Variants in TENM2 observed in about 807,000 individuals in gnomAD.
The protein encoded by TENM2 is teneurin-2.
A neutral mutation model predicts 245.2 loss-of-function variants in TENM2; 52 were observed. The ratio of observed to expected loss-of-function variants is 0.21; its 90% CI spans 0.17 to 0.27. TENM2 has a LOEUF of 0.27. Among genes scored for constraint, TENM2 ranks in the 10% least tolerant of loss-of-function variants. The pLI is 1.00. For synonymous variants in TENM2, 1,363 were observed against 1,438.9 expected, an observed-to-expected ratio of 0.95 and a Z score of 1.19; for missense variants, 3,046 against 3,666.8, an observed-to-expected ratio of 0.83 and a Z score of 4.37.
intron 2 of TENM2, among the ~76,000 whole-genome samples, chr5:167,609,516 A>T (rs1374961517): frequency 2.5e-5 from 3 of 120,156 alleles, no homozygotes; most frequent in Non-Finnish European, 3.7e-5. Context: ...AAAAAAACAA[A>T]ACCTTACCTA....
intron 2 of TENM2, among the ~76,000 whole-genome samples, chr5:167,620,263 G>A (rs552845703): frequency 1.3e-5 from 2 of 152,132 alleles, no homozygotes; most frequent in South Asian, 2.1e-4. Context: ...GCACAGCTGC[G>A]GGGAGCACTT....
chr5:167,521,148 A>G (rs1211559180), intron 2 of TENM2, among the ~76,000 whole-genome samples: 2 of 151,618 alleles, frequency 1.3e-5, no homozygotes, highest in Non-Finnish European at 2.9e-5. Context: ...GCCATGATAC[A>G]TAGGTCTCAG....
At chr5:167,698,181 T>C (rs1476264824) in intron 2 of TENM2, among the ~76,000 whole-genome samples, 1 of 152,214 alleles carries the variant, frequency 6.6e-6, no homozygotes. Context: ...TTTTCCTTAG[T>C]TTCTCCTTTA....
At position 168,228,865 on chromosome 5, in the gene TENM2, A is replaced by AT. The variant is rs1461778258; in HGVS notation, c.5520+736dup. Among the ~76,000 whole-genome samples, 3 of 147,930 alleles carry AT rather than the reference A, an allele frequency of 2.0e-5. No homozygotes were observed. In the East Asian group the frequency reaches 5.8e-4, roughly 29 times the overall value. ...ATATAACATTAATTATATTATTATT[A>AT]TAATTATTATATAATGTAATTTTAT... is the stretch of plus-strand genomic sequence containing the variant. On this transcript the variant is annotated intron_variant, in intron 25 of 28. Coordinates refer to ENST00000518659, the Ensembl canonical transcript of TENM2.
chr5:167,287,296 C>T (rs1261863073), intron 1 of TENM2: 1 of 152,172 alleles, frequency 6.6e-6, no homozygotes, highest in Non-Finnish European at 1.5e-5. Flanking sequence ...AAATTTTACA[C>T]TCAGTAATAA....
chr5:167,557,336 T>G (rs545820405), intron 2 of TENM2, among the ~76,000 whole-genome samples: 7 of 152,244 alleles, frequency 4.6e-5, no homozygotes, highest in African/African-American at 1.7e-4. Context: ...TCTACAAGGG[T>G]AGGAAAGCAA....
At chr5:167,589,599 G>C (rs1775743556) in intron 2 of TENM2, among the ~76,000 whole-genome samples, 1 of 151,822 alleles carries the variant, frequency 6.6e-6, no homozygotes, top group Non-Finnish European at 1.5e-5. Context: ...TGCTCTTTCA[G>C]AAAATTTGGA....
At chr5:168,199,964 C>G in exon 17 of TENM2, 1 of 1,614,002 alleles carries the variant, frequency 6.2e-7, no homozygotes, top group Non-Finnish European at 8.5e-7. Flanking sequence ...ATCACCATGA[C>G]CCAGTCCACA....
the TENM2 span, among the ~76,000 whole-genome samples, chr5:167,042,740 C>G: frequency 1.3e-5 from 2 of 152,144 alleles, no homozygotes; most frequent in Non-Finnish European, 2.9e-5. Flanking sequence ...TGGCTGGAAG[C>G]AATTTGTTAT....
intron 2 of TENM2, among the ~76,000 whole-genome samples, chr5:167,421,925 G>T (rs1763530728): frequency 6.6e-6 from 1 of 152,054 alleles, no homozygotes; most frequent in Non-Finnish European, 1.5e-5. Flanking sequence ...CCAAGTAGCT[G>T]GAATTACAGG....
chr5:167,246,368 C>T, the TENM2 span, among the ~76,000 whole-genome samples: 1 of 151,916 alleles, frequency 6.6e-6, no homozygotes, highest in African/African-American at 2.4e-5. Context: ...GTATCATATA[C>T]CTATGCAAAA....
chr5:167,341,498 T>C (rs1208109189), intron 1 of TENM2, among the ~76,000 whole-genome samples: 1 of 152,128 alleles, frequency 6.6e-6, no homozygotes, highest in Non-Finnish European at 1.5e-5. Flanking sequence ...GTTTTCTGTT[T>C]ATGCTTTCAT....
chr5:167,203,233 G>A, the TENM2 span, among the ~76,000 whole-genome samples: 3 of 152,168 alleles, frequency 2.0e-5, no homozygotes, highest in South Asian at 2.1e-4. Flanking sequence ...AGGCCCTTAC[G>A]ATCAATGGCA....
chr5:168,096,697 A>G (rs560576217), intron 8 of TENM2, among the ~76,000 whole-genome samples: 2 of 152,332 alleles, frequency 1.3e-5, no homozygotes, highest in South Asian at 2.1e-4. Context: ...ATTAGGAACA[A>G]TTAGACTTCA....
rs1448898403 is a variant in TENM2 at position 168,197,071 on chromosome 5, C to T, written c.2900+1776C>T. Among the ~76,000 whole-genome samples, 16 of 152,266 alleles carry T rather than the reference C, an allele frequency of 1.1e-4. No homozygotes were observed. In the South Asian group the frequency reaches 2.1e-3, roughly 20 times the overall value. On this transcript the variant is annotated intron_variant, in intron 15 of 28. Coordinates refer to ENST00000518659, the Ensembl canonical transcript of TENM2. Reference sequence around the variant, plus strand: ...CCCCAAATATTCATGTTGATTCTACCGTGCCAACTAGGAACAATTTTACTT... The same window carrying T: ...CCCCAAATATTCATGTTGATTCTACTGTGCCAACTAGGAACAATTTTACTT...
chr5:167,454,781 G>T (rs1405766204), intron 2 of TENM2, among the ~76,000 whole-genome samples: 1 of 152,082 alleles, frequency 6.6e-6, no homozygotes, highest in Non-Finnish European at 1.5e-5. Flanking sequence ...AAAAGTCCAG[G>T]GACTCCTACG....
At chr5:167,417,407 A>G (rs1763225875) in intron 2 of TENM2, among the ~76,000 whole-genome samples, 1 of 152,132 alleles carries the variant, frequency 6.6e-6, no homozygotes, top group African/African-American at 2.4e-5. Flanking sequence ...TATATACTGA[A>G]TTGCCAGATG....
intron 2 of TENM2, among the ~76,000 whole-genome samples, chr5:167,651,259 T>C (rs914861880): frequency 6.6e-6 from 1 of 152,102 alleles, no homozygotes; most frequent in Non-Finnish European, 1.5e-5. Flanking sequence ...AGGCTGAATA[T>C]ATGATGATTA....
intron 2 of TENM2, among the ~76,000 whole-genome samples, chr5:167,851,770 A>T (rs868011165): frequency 7.9e-5 from 12 of 152,324 alleles, no homozygotes; most frequent in South Asian, 4.1e-4. Flanking sequence ...ATGGGGAGGA[A>T]GAAAAGGAAA....
Sources: gnomAD v4.1 joint callset for allele counts (sites outside exome capture counted in the v4.1 genomes callset) on GRCh38, gnomAD v4.1.1 for gene constraint, MANE v1.5 for transcripts, NCBI Gene and HGNC (gene_info 2026-07-23, HGNC 2026-07-21) for gene names.